ZHX2: variants seen among roughly 807,000 people sequenced by gnomAD.
ZHX2 encodes the protein zinc fingers and homeoboxes 2.
ZHX2 carries 6 observed loss-of-function variants against 21.9 expected under a neutral mutation model. The observed-to-expected ratio is 0.27, with a 90% confidence interval of 0.15 to 0.54. The LOEUF (loss-of-function observed/expected upper bound fraction) is 0.54, where lower values mean the gene tolerates loss of function less well. Ranked by LOEUF, ZHX2 falls within the 20% of genes least tolerant of loss-of-function variation. The pLI is 0.95. For missense variants in ZHX2, 908 were observed against 1,090.7 expected (o/e 0.83, Z 2.36); for synonymous variants, 434 against 437.1 (o/e 0.99, Z 0.09).
intron 1 of ZHX2, among the ~76,000 whole-genome samples, chr8:122,796,317 G>A (rs1195827902): frequency 6.6e-6 from 1 of 152,188 alleles, no homozygotes; most frequent in Non-Finnish European, 1.5e-5. Flanking sequence ...TCCCTTTGGA[G>A]GCACGTCTTG....
At chr8:122,972,698 G>C (rs186647342) in intron 3 of ZHX2, among the ~76,000 whole-genome samples, 1 of 152,302 alleles carries the variant, frequency 6.6e-6, no homozygotes, top group East Asian at 1.9e-4. Context: ...CCAGGCACTA[G>C]TCCAAATACT....
At chr8:122,933,435 AT>A (rs890198886) in intron 2 of ZHX2, among the ~76,000 whole-genome samples, 1 of 151,626 alleles carries the variant, frequency 6.6e-6, no homozygotes, top group African/African-American at 2.4e-5. Context: ...TCTTAGCAAG[AT>A]TTTTTTTTCT....
At chr8:122,941,022 G>T (rs1812830820) in intron 2 of ZHX2, among the ~76,000 whole-genome samples, 1 of 150,656 alleles carries the variant, frequency 6.6e-6, no homozygotes, top group Non-Finnish European at 1.5e-5. Flanking sequence ...TTGAGCTCAG[G>T]AGTTCAAAAC....
chr8:122,891,534 G>T (rs114694383), intron 2 of ZHX2, among the ~76,000 whole-genome samples: 4 of 151,820 alleles, frequency 2.6e-5, no homozygotes, highest in Non-Finnish European at 4.4e-5. Flanking sequence ...ATTTGAAATT[G>T]TTCTACTTTT....
intron 2 of ZHX2, among the ~76,000 whole-genome samples, chr8:122,882,363 G>A (rs563894356): frequency 2.1e-4 from 32 of 152,040 alleles, no homozygotes; most frequent in African/African-American, 7.7e-4. Context: ...TCCCAAGCCA[G>A]TAGATAAGCT....
In ZHX2 at chr8:122,939,775, G is replaced by A. The variant is rs578029170; in HGVS notation, c.-219-11517G>A. The stretch of plus-strand genomic sequence containing the variant: ...ATGAGTAAGAAAAAAATCTCAGAGC[G>A]GCATGACCAGGTGAGATGAGCTAGC... On this transcript the variant is annotated intron_variant, in intron 2 of 3. Transcript: ENST00000314393. 9.9e-5 allele frequency among the ~76,000 whole-genome samples: 15 copies of A among 152,282 alleles called. No individual in the cohort carries two copies. The South Asian group carries it at 1.5e-3, about 15-fold the overall frequency.
intron 1 of ZHX2, chr8:122,811,977 C>T (rs541292018): frequency 2.6e-5 from 4 of 152,176 alleles, no homozygotes; most frequent in Non-Finnish European, 5.9e-5. Flanking sequence ...ATGGAACTTA[C>T]ATTTTTGGAC....
At chr8:122,912,339 C>T (rs1820503104) in intron 2 of ZHX2, among the ~76,000 whole-genome samples, 1 of 152,206 alleles carries the variant, frequency 6.6e-6, no homozygotes. Context: ...GGCCTGGGCA[C>T]TGGGTGCTCT....
At chr8:122,930,484 C>G (rs1451803243) in intron 2 of ZHX2, among the ~76,000 whole-genome samples, 1 of 151,862 alleles carries the variant, frequency 6.6e-6, no homozygotes, top group Non-Finnish European at 1.5e-5. Flanking sequence ...ATTTTGCCTC[C>G]GTGGTGAAGG....
chr8:122,891,524 A>C (rs942182517), intron 2 of ZHX2, among the ~76,000 whole-genome samples: 1 of 151,564 alleles, frequency 6.6e-6, no homozygotes, highest in African/African-American at 2.4e-5. Flanking sequence ...TAGATTGTTT[A>C]TTTGAAATTG....
At chr8:122,949,891 G>C (rs1813067415) in intron 2 of ZHX2, among the ~76,000 whole-genome samples, 1 of 152,088 alleles carries the variant, frequency 6.6e-6, no homozygotes, top group Non-Finnish European at 1.5e-5. Flanking sequence ...GCCAGACCCT[G>C]TCTCAGAAAC....
In ZHX2 at chr8:122,973,915, A is replaced by G. The variant is rs1010319095; in HGVS notation, c.*678A>G. 2 of 152,486 alleles carry G rather than the reference A, an allele frequency of 1.3e-5. No individual in the cohort carries two copies. The highest frequency in any genetic ancestry group is 2.9e-5 in the Non-Finnish European group (2 of 68,018). 9.4% of individuals were successfully genotyped at this position (152,486 alleles called of 1,614,324 possible). ...GGGGTCCCTGCCTTAGCCCCACACA[A>G]GGCTTTCTGAACTGCCAAGAGGGGA... is the stretch of plus-strand genomic sequence containing the variant. On this transcript the variant is annotated 3_prime_UTR_variant, in exon 4 of 4. Coordinates refer to ENST00000314393, the MANE Select transcript of ZHX2 (RefSeq NM_014943.5).
chr8:122,948,406 A>G (rs1813029964), intron 2 of ZHX2, among the ~76,000 whole-genome samples: 2 of 152,160 alleles, frequency 1.3e-5, no homozygotes, highest in African/African-American at 4.8e-5. Context: ...CTAATAAGCA[A>G]ATTGTTCCTG....
chr8:122,914,786 T>C (rs1345729787), intron 2 of ZHX2, among the ~76,000 whole-genome samples: 2 of 152,244 alleles, frequency 1.3e-5, no homozygotes, highest in Admixed American at 1.3e-4. Flanking sequence ...TCTTGGACTT[T>C]TCTGATGTTC....
chr8:122,842,041 C>A (rs139594577), intron 1 of ZHX2, among the ~76,000 whole-genome samples: 9 of 152,304 alleles, frequency 5.9e-5, no homozygotes, highest in African/African-American at 2.2e-4. Context: ...GAAGAAGGAA[C>A]AAACAAATGA....
At chr8:122,918,111 T>C (rs374560772) in intron 2 of ZHX2, among the ~76,000 whole-genome samples, 6 of 152,336 alleles carry the variant, frequency 3.9e-5, no homozygotes, top group South Asian at 2.1e-4. Flanking sequence ...CCAGGCACCA[T>C]TCTAAGTGCC....
chr8:122,858,217 C>T (rs528095176), intron 1 of ZHX2, among the ~76,000 whole-genome samples: 5 of 152,314 alleles, frequency 3.3e-5, no homozygotes, highest in East Asian at 3.9e-4. Context: ...GCTGCACTCA[C>T]GCCTCTCCCT....
chr8:122,901,466 C>T (rs1398765799), intron 2 of ZHX2, among the ~76,000 whole-genome samples: 1 of 152,198 alleles, frequency 6.6e-6, no homozygotes, highest in African/African-American at 2.4e-5. Flanking sequence ...GACCTTACTT[C>T]TCAAAGCACT....
chr8:122,900,095 A>G (rs1440784690), intron 2 of ZHX2, among the ~76,000 whole-genome samples: 4 of 152,182 alleles, frequency 2.6e-5, no homozygotes, highest in African/African-American at 9.7e-5. Context: ...CCCAACCTAT[A>G]TAGGGCACTC....
Sources: gnomAD v4.1 joint callset for allele counts (sites outside exome capture counted in the v4.1 genomes callset) on GRCh38, gnomAD v4.1.1 for gene constraint, MANE v1.5 for transcripts, NCBI Gene and HGNC (gene_info 2026-07-23, HGNC 2026-07-21) for gene names.